CDK6: variants seen among roughly 807,000 people sequenced by gnomAD.
The protein encoded by CDK6 is cyclin-dependent kinase 6.
A neutral mutation model predicts 37.1 loss-of-function variants in CDK6; 6 were observed. The observed-to-expected ratio is 0.16, with a 90% CI of 0.09 to 0.32. The LOEUF is 0.32. Among genes scored for constraint, CDK6 ranks in the 10% least tolerant of loss-of-function variants. The probability of loss-of-function intolerance (pLI) is 1.00; values close to 1 mark genes in which losing one functional copy is unlikely to be tolerated. For missense variants in CDK6, 224 were observed against 418.9 expected (o/e 0.53, Z 4.06); for synonymous variants, 160 against 161.3 (o/e 0.99, Z 0.06).
Position 92,609,511 on chromosome 7 carries a change from T to G in CDK6, c.*5629A>C, listed in dbSNP as rs934105255. Reference sequence around the variant, plus strand: ...TTAAAATTACCTGGTCTTTTGGTATTTTAGGGCTCTGTTTCAATACAGCAA... The same window carrying G: ...TTAAAATTACCTGGTCTTTTGGTATGTTAGGGCTCTGTTTCAATACAGCAA... On this transcript the variant is annotated 3_prime_UTR_variant, in exon 8 of 8. Transcript: ENST00000424848. 2 of 229,118 alleles carry G rather than the reference T, an allele frequency of 8.7e-6. No homozygotes were observed. Among genetic ancestry groups the G allele is most frequent in the Non-Finnish European group, 1.7e-5 (2 of 115,668 alleles). 14.2% of individuals were successfully genotyped at this position (229,118 alleles called of 1,614,324 possible).
intron 4 of CDK6, among the ~76,000 whole-genome samples, chr7:92,714,723 A>G (rs1798183197): frequency 6.6e-6 from 1 of 152,148 alleles, no homozygotes; most frequent in African/African-American, 2.4e-5. Context: ...GAAGACCATC[A>G]TTTTAGGAAT....
chr7:92,642,497 A>G (rs1796333782), intron 5 of CDK6, among the ~76,000 whole-genome samples: 1 of 152,078 alleles, frequency 6.6e-6, no homozygotes, highest in Non-Finnish European at 1.5e-5. Context: ...TTGATTCTGA[A>G]TTCTTCTAAT....
chr7:92,768,233 C>T (rs1275013123), intron 3 of CDK6, among the ~76,000 whole-genome samples: 1 of 151,958 alleles, frequency 6.6e-6, no homozygotes. Context: ...AACACAGGGT[C>T]TTGAGTGCCA....
intron 4 of CDK6, among the ~76,000 whole-genome samples, chr7:92,673,725 GACT>G (rs1797140886): frequency 6.6e-6 from 1 of 151,942 alleles, no homozygotes; most frequent in Non-Finnish European, 1.5e-5. Context: ...CACTGAATTA[GACT>G]TTCTGTGGGC....
chr7:92,729,043 A>T (rs925518790), intron 3 of CDK6, among the ~76,000 whole-genome samples: 1 of 152,216 alleles, frequency 6.6e-6, no homozygotes, highest in African/African-American at 2.4e-5. Context: ...TCTGGTCCCA[A>T]ATAATCATAA....
chr7:92,709,127 G>C (rs17164735), intron 4 of CDK6, among the ~76,000 whole-genome samples: 1 of 151,868 alleles, frequency 6.6e-6, no homozygotes, highest in Non-Finnish European at 1.5e-5. Context: ...GTAGCCCCTC[G>C]TCACACATCT....
intron 5 of CDK6, among the ~76,000 whole-genome samples, chr7:92,634,770 C>A (rs1585353795): frequency 6.6e-6 from 1 of 152,128 alleles, no homozygotes; most frequent in Non-Finnish European, 1.5e-5. Context: ...CATCCATCTA[C>A]ATTTTTGATT....
chr7:92,713,986 C>T (rs1031765733), intron 4 of CDK6, among the ~76,000 whole-genome samples: 1 of 152,172 alleles, frequency 6.6e-6, no homozygotes, highest in Non-Finnish European at 1.5e-5. Context: ...TCCTATTTTA[C>T]CACCCACATA....
At chr7:92,676,193 A>G (rs1450801368) in intron 4 of CDK6, among the ~76,000 whole-genome samples, 1 of 151,894 alleles carries the variant, frequency 6.6e-6, no homozygotes, top group South Asian at 2.1e-4. Flanking sequence ...TGCTAACTAC[A>G]TATTTGTAGA....
chr7:92,617,124 C>T (rs1241626056), intron 7 of CDK6, among the ~76,000 whole-genome samples: 1 of 152,180 alleles, frequency 6.6e-6, no homozygotes, highest in Non-Finnish European at 1.5e-5. Context: ...TCCCTCTTTT[C>T]TCTCCCCTCT....
At chr7:92,725,944 T>A in intron 3 of CDK6, 151 bp from the exon 4 acceptor site, 2 of 626,714 alleles carry the variant, frequency 3.2e-6, no homozygotes, top group South Asian at 4.2e-5. Flanking sequence ...TTGTCTCCCT[T>A]CCTGCCTTTC....
chr7:92,785,545 T>A (rs374537699), intron 2 of CDK6, among the ~76,000 whole-genome samples: 2 of 152,184 alleles, frequency 1.3e-5, no homozygotes, highest in Admixed American at 1.3e-4. Flanking sequence ...GTAAATTACA[T>A]CTCAATAAAG....
intron 5 of CDK6, among the ~76,000 whole-genome samples, chr7:92,664,871 C>T (rs1796920122): frequency 6.6e-6 from 1 of 151,880 alleles, no homozygotes; most frequent in Non-Finnish European, 1.5e-5. Context: ...CTGCAACCTC[C>T]ACCTCCTGGG....
chr7:92,609,269 T>G lies in CDK6; in HGVS notation c.*5871A>C, dbSNP rs1403467720. ...TTCCCTACTAAATTTCAAGTGACAC[T>G]GCTGTGAGAAAGGTGACCTCTAAAA... is the stretch of plus-strand genomic sequence containing the variant. On this transcript the variant is annotated 3_prime_UTR_variant, in exon 8 of 8. Transcript: ENST00000424848. 5 of 232,626 alleles carry G rather than the reference T, an allele frequency of 2.1e-5. No individual in the cohort carries two copies. Among genetic ancestry groups the G allele is most frequent in the Non-Finnish European group, 4.2e-5 (5 of 117,738 alleles). The allele number at this position is 232,626 out of a possible 1,614,324, so 14.4% of individuals were successfully genotyped here. A position where few individuals can be genotyped will look rare whatever the true frequency, so the allele number is the denominator to read the frequency against.
intron 2 of CDK6, among the ~76,000 whole-genome samples, chr7:92,778,901 T>TTCTTACTG (rs1264911847): frequency 3.9e-5 from 5 of 128,856 alleles, no homozygotes; most frequent in Non-Finnish European, 8.0e-5. Context: ...GTAACTCCAG[T>TTCTTACTG]TCTTACTGCA....
At chr7:92,786,138 T>C (rs574147586) in intron 2 of CDK6, among the ~76,000 whole-genome samples, 1 of 152,320 alleles carries the variant, frequency 6.6e-6, no homozygotes, top group African/African-American at 2.4e-5. Flanking sequence ...ATTTCTGACC[T>C]GTGAAAGCCC....
intron 4 of CDK6, among the ~76,000 whole-genome samples, chr7:92,713,749 G>A (rs929254864): frequency 2.7e-5 from 4 of 150,624 alleles, no homozygotes; most frequent in African/African-American, 9.8e-5. Flanking sequence ...GACTAGTCAT[G>A]CATTTGTGTA....
At chr7:92,727,610 AC>A (rs58004121) in intron 3 of CDK6, among the ~76,000 whole-genome samples, 184 of 152,288 alleles carry the variant, frequency 1.2e-3, no homozygotes, top group African/African-American at 4.3e-3. Context: ...TGATTCACAA[AC>A]AACTAAAAGA....
At chr7:92,723,663 A>T (rs2116704961) in intron 4 of CDK6, among the ~76,000 whole-genome samples, 1 of 152,162 alleles carries the variant, frequency 6.6e-6, no homozygotes, top group Middle Eastern at 3.4e-3. Context: ...TCCAACCGTC[A>T]CTCTTTCCAA....
Sources: gnomAD v4.1 joint callset for allele counts (sites outside exome capture counted in the v4.1 genomes callset) on GRCh38, gnomAD v4.1.1 for gene constraint, MANE v1.5 for transcripts, NCBI Gene and HGNC (gene_info 2026-07-23, HGNC 2026-07-21) for gene names.